NCALD: variants seen among roughly 807,000 people sequenced by gnomAD.
The protein encoded by NCALD is neurocalcin delta, also known as neurocalcin-delta.
In NCALD, 10 loss-of-function variants were observed where a neutral mutation model predicts 18.6. The ratio of observed to expected loss-of-function variants is 0.54; its 90% CI spans 0.33 to 0.91. NCALD has a LOEUF of 0.91. Among genes scored for constraint, NCALD ranks in the 40% least tolerant of loss-of-function variants. The probability of loss-of-function intolerance (pLI) is 0.03; values close to 1 mark genes in which losing one functional copy is unlikely to be tolerated. For missense variants in NCALD, 184 were observed against 247.6 expected, an observed-to-expected ratio of 0.74 and a Z score of 1.72; for synonymous variants, 88 against 87.4, an observed-to-expected ratio of 1.01 and a Z score of -0.04.
At chr8:101,763,398 A>G (rs540437820) in intron 1 of NCALD, among the ~76,000 whole-genome samples, 14 of 152,316 alleles carry the variant, frequency 9.2e-5, no homozygotes, top group South Asian at 6.2e-4. Context: ...AATGACTCCA[A>G]GGTTTTTGGC....
At chr8:101,804,658 AT>A (rs1392947809) in intron 4 of NCALD, among the ~76,000 whole-genome samples, 2 of 126,260 alleles carry the variant, frequency 1.6e-5, no homozygotes. Flanking sequence ...TTAGTATAAT[AT>A]AATTATCATA....
intron 2 of NCALD, among the ~76,000 whole-genome samples, chr8:102,002,156 G>A (rs1821499391): frequency 6.6e-6 from 1 of 152,136 alleles, no homozygotes; most frequent in Admixed American, 6.5e-5. Flanking sequence ...GACACACATA[G>A]GCTCAAAATA....
intron 1 of NCALD, among the ~76,000 whole-genome samples, chr8:102,091,927 T>C (rs1824936967): frequency 6.6e-6 from 1 of 152,150 alleles, no homozygotes; most frequent in Non-Finnish European, 1.5e-5. Context: ...AGGGTTCTTT[T>C]ATAAAAGGGA....
chr8:101,744,349 A>G (rs1440429524), intron 1 of NCALD, among the ~76,000 whole-genome samples: 1 of 152,180 alleles, frequency 6.6e-6, no homozygotes, highest in Non-Finnish European at 1.5e-5. Flanking sequence ...AGCTTCTTGA[A>G]ACCAGAGCAT....
chr8:101,752,296 A>T (rs1442726199), intron 1 of NCALD, among the ~76,000 whole-genome samples: 3 of 152,372 alleles, frequency 2.0e-5, no homozygotes, highest in African/African-American at 4.8e-5. Context: ...TCTAGAGGTT[A>T]TAGTCATGGA....
chr8:101,709,848 T>C (rs190270875), intron 2 of NCALD, among the ~76,000 whole-genome samples: 1 of 152,302 alleles, frequency 6.6e-6, no homozygotes, highest in African/African-American at 2.4e-5. Flanking sequence ...GAATCTGCTG[T>C]AAGATGAGGA....
intron 2 of NCALD, among the ~76,000 whole-genome samples, chr8:101,712,424 GTAAA>G (rs1815839389): frequency 6.6e-6 from 1 of 151,988 alleles, no homozygotes; most frequent in Admixed American, 6.6e-5. Flanking sequence ...ATCTTAAATT[GTAAA>G]TAGGCTAAAT....
At chr8:102,056,203 A>G (rs1422395269) in intron 1 of NCALD, among the ~76,000 whole-genome samples, 1 of 152,250 alleles carries the variant, frequency 6.6e-6, no homozygotes, top group African/African-American at 2.4e-5. Context: ...TTTTTGAGAA[A>G]GAATTTGTGT....
chr8:102,013,491 T>A (rs1368965660), intron 2 of NCALD, among the ~76,000 whole-genome samples: 1 of 152,096 alleles, frequency 6.6e-6, no homozygotes, highest in Non-Finnish European at 1.5e-5. Context: ...ACATTTCTCA[T>A]CCTCCTTTGC....
intron 3 of NCALD, among the ~76,000 whole-genome samples, chr8:101,893,460 G>A (rs1365642339): frequency 1.4e-5 from 2 of 145,012 alleles, no homozygotes; most frequent in East Asian, 2.0e-4. Context: ...ATCAACTAAC[G>A]AGCAAAATAA....
intron 4 of NCALD, among the ~76,000 whole-genome samples, chr8:101,832,079 A>G (rs1814212898): frequency 6.6e-6 from 1 of 152,172 alleles, no homozygotes; most frequent in Non-Finnish European, 1.5e-5. Context: ...AAAAGAGAAG[A>G]CAGTAAGGAA....
intron 1 of NCALD, among the ~76,000 whole-genome samples, chr8:102,029,416 T>C (rs1822585657): frequency 6.6e-6 from 1 of 152,038 alleles, no homozygotes; most frequent in African/African-American, 2.4e-5. Context: ...GAGGGAAGGG[T>C]CTTCTACAAT....
At chr8:101,893,102 G>A (rs935367386) in intron 3 of NCALD, among the ~76,000 whole-genome samples, 6 of 151,448 alleles carry the variant, frequency 4.0e-5, no homozygotes, top group Admixed American at 1.3e-4. Context: ...AATGTTAAGG[G>A]CAGCCAGAGA....
At position 101,689,325 on chromosome 8, in the gene NCALD, C is replaced by T. The variant is rs140382690; in HGVS notation, c.566G>A (p.Ser189Asn). The T allele has an allele frequency of 1.2e-6, 2 of 1,613,796 alleles. No homozygotes were observed. The highest frequency in any genetic ancestry group is 1.7e-6 in the Non-Finnish European group (2 of 1,179,940). ...IVRLLQCDPS[S>N]AGQF ...GCGCAGGGCTCAGAACTGGCCGGCA[C>T]TGCTCGGGTCGCACTGCAGGAGGCG... is the stretch of plus-strand genomic sequence containing the variant. The change falls in exon 4 of 4, where the codon AGT (serine) becomes AAT (asparagine). Residue 189 changes from serine to asparagine, a missense_variant. Transcript: ENST00000220931. This position sits in a 1 kb window ranked among gnomAD's most constrained non-coding sequence, Gnocchi z 4.4.
intron 4 of NCALD, among the ~76,000 whole-genome samples, chr8:101,837,902 T>C (rs993107745): frequency 1.3e-5 from 2 of 152,186 alleles, no homozygotes; most frequent in Admixed American, 1.3e-4. Context: ...ACATTCTATA[T>C]TGCAATTCTA....
intron 1 of NCALD, among the ~76,000 whole-genome samples, chr8:101,749,288 G>A (rs1200463651): frequency 6.6e-6 from 1 of 152,140 alleles, no homozygotes; most frequent in East Asian, 1.9e-4. Flanking sequence ...CTGCAGAATG[G>A]ATAGTCTCCA....
chr8:101,898,020 T>C (rs1457252667), intron 3 of NCALD, among the ~76,000 whole-genome samples: 1 of 151,016 alleles, frequency 6.6e-6, no homozygotes, highest in Non-Finnish European at 1.5e-5. Flanking sequence ...GCTGAGCACA[T>C]ATTCTTCTCC....
At chr8:101,819,263 CTTTATTTATTTA>C (rs1554639373) in intron 4 of NCALD, among the ~76,000 whole-genome samples, 16 of 148,332 alleles carry the variant, frequency 1.1e-4, no homozygotes, top group Admixed American at 2.7e-4. Flanking sequence ...AAATACATAA[CTTTATTTATTTA>C]TTTATTTATT....
At chr8:101,789,060 T>C (rs1222759820) in intron 1 of NCALD, 2 of 152,188 alleles carry the variant, frequency 1.3e-5, no homozygotes, top group Non-Finnish European at 1.5e-5. Flanking sequence ...ATACAATTAT[T>C]ATAAGACTTT....
Sources: gnomAD v4.1 joint callset for allele counts (sites outside exome capture counted in the v4.1 genomes callset) on GRCh38, gnomAD v4.1.1 for gene constraint, Gnocchi (gnomAD v3.1) non-coding constraint, MANE v1.5 for transcripts, NCBI Gene and HGNC (gene_info 2026-07-23, HGNC 2026-07-21) for gene names.